SCN9A: variants seen among roughly 807,000 people sequenced by gnomAD.
SCN9A encodes sodium channel protein type 9 subunit alpha.
A neutral mutation model predicts 187.0 loss-of-function variants in SCN9A; 131 were observed. The observed-to-expected ratio is 0.70, with a 90% CI of 0.61 to 0.81. The LOEUF (loss-of-function observed/expected upper bound fraction) is 0.81, where lower values mean the gene tolerates loss of function less well. Among genes scored for constraint, SCN9A ranks in the 30% least tolerant of loss-of-function variants. SCN9A has a pLI of 0.00. For synonymous variants in SCN9A, 809 were observed against 808.6 expected (o/e 1.00, Z -0.01); for missense variants, 2,252 against 2,396.6 (o/e 0.94, Z 1.26).
At chr2:166,360,858 C>A (rs1007923914) in intron 1 of SCN9A, among the ~76,000 whole-genome samples, 2 of 152,076 alleles carry the variant, frequency 1.3e-5, no homozygotes, top group African/African-American at 4.8e-5. Flanking sequence ...AAACACAAAA[C>A]CTTACGAAAA....
At chr2:166,279,554 T>C (rs1697384157) in intron 14 of SCN9A, among the ~76,000 whole-genome samples, 1 of 152,158 alleles carries the variant, frequency 6.6e-6, no homozygotes, top group Non-Finnish European at 1.5e-5. Context: ...TTGGATCTTA[T>C]ATCTTCCAGA....
In SCN9A at chr2:166,348,954, C is replaced by T. The variant is rs145478117; in HGVS notation, c.-51+26743G>A. Among the ~76,000 whole-genome samples the T allele has an allele frequency of 4.5e-3, 688 of 152,092 alleles. 7 individuals are homozygous for T. The highest frequency in any genetic ancestry group is 0.016 in the African/African-American group (656 of 41,466). ...CAGCCTGACCAACATGGAGAAACTC[C>T]ATCTCTACTAAAAAAAATACAAAAT... On this transcript the variant is annotated intron_variant, in intron 1 of 26. Transcript: ENST00000642356.
At chr2:166,322,441 G>A (rs1163737636) in intron 1 of SCN9A, among the ~76,000 whole-genome samples, 1 of 152,120 alleles carries the variant, frequency 6.6e-6, no homozygotes, top group Non-Finnish European at 1.5e-5. Flanking sequence ...CTGTGGAGAT[G>A]ACATAACCTC....
intron 1 of SCN9A, among the ~76,000 whole-genome samples, chr2:166,327,278 A>G (rs1388055775): frequency 6.6e-6 from 1 of 151,944 alleles, no homozygotes; most frequent in African/African-American, 2.4e-5. Context: ...CCACCTTCCC[A>G]AGTAGCTGGG....
chr2:166,240,369 T>C (rs1695512942), intron 19 of SCN9A, among the ~76,000 whole-genome samples: 1 of 152,212 alleles, frequency 6.6e-6, no homozygotes, highest in African/African-American at 2.4e-5. Flanking sequence ...TCTAGTTTAA[T>C]TGGCAACCTG....
At chr2:166,322,649 A>G (rs1438276010) in intron 1 of SCN9A, among the ~76,000 whole-genome samples, 1 of 152,138 alleles carries the variant, frequency 6.6e-6, no homozygotes, top group Non-Finnish European at 1.5e-5. Flanking sequence ...GGATAATTTT[A>G]TCATGCTTCC....
rs200829562 is a variant in SCN9A, at chr2:166,197,772, A to G, written c.*900T>C. On this transcript the variant is annotated 3_prime_UTR_variant, in exon 27 of 27. Coordinates refer to ENST00000642356, the MANE Select transcript of SCN9A (RefSeq NM_001365536.1). Reference sequence around the variant, plus strand: ...CAGGAAAATTTGACAAAAGAGTTTAAGAGACTATTATCAGTATTTTGGGCA... The same window carrying G: ...CAGGAAAATTTGACAAAAGAGTTTAGGAGACTATTATCAGTATTTTGGGCA... The G allele has an allele frequency of 1.3e-5, 2 of 152,226 alleles. No homozygotes were observed. The highest frequency in any genetic ancestry group is 3.8e-4 in the East Asian group (2 of 5,200). 9.4% of individuals were successfully genotyped at this position (152,226 alleles called of 1,614,324 possible). A position where few individuals can be genotyped will look rare whatever the true frequency, so the allele number is the denominator to read the frequency against.
chr2:166,287,640 C>A (rs953319109), intron 10 of SCN9A, among the ~76,000 whole-genome samples: 4 of 152,032 alleles, frequency 2.6e-5, no homozygotes, highest in Non-Finnish European at 5.9e-5. Context: ...AAGGCAACTG[C>A]AGTACATTTG....
chr2:166,370,267 A>G lies in SCN9A; in HGVS notation c.-51+5430T>C, dbSNP rs1025781997. Among the ~76,000 whole-genome samples, 13 of 141,632 alleles carry G rather than the reference A, an allele frequency of 9.2e-5. 1 individual carries two copies. Among genetic ancestry groups the G allele is most frequent in the East Asian group, 3.9e-4 (2 of 5,078 alleles). 92.9% of individuals were successfully genotyped at this position (141,632 alleles called of 152,430 possible). On this transcript the variant is annotated intron_variant, in intron 1 of 26. Coordinates refer to ENST00000642356, the MANE Select transcript of SCN9A (RefSeq NM_001365536.1). ...ATCATCATCATTAGATAATGGGCTG[A>G]GCGCGGTGGCTCATGCTTGTAATCC...
At chr2:166,248,877 C>T (rs1298038500) in intron 18 of SCN9A, among the ~76,000 whole-genome samples, 1 of 151,932 alleles carries the variant, frequency 6.6e-6, no homozygotes, top group Non-Finnish European at 1.5e-5. Context: ...GCTACGTTGG[C>T]CAGGCTGGTC....
At position 166,202,175 on chromosome 2, in the gene SCN9A, T is replaced by G. The variant is rs537262342; in HGVS notation, c.4774+1780A>C. ...ATTTTTTCCCCAAAGAATATTTTGT[T>G]TTTTTGTGCAGTCATTTCTTCTTCA... On this transcript the variant is annotated intron_variant, in intron 26 of 26. Transcript: ENST00000642356. Among the ~76,000 whole-genome samples the G allele has an allele frequency of 7.9e-5, 12 of 151,806 alleles. No homozygotes were observed. In the South Asian group the frequency reaches 1.2e-3, roughly 16 times the overall value.
chr2:166,332,213 C>T (rs1363244888), intron 1 of SCN9A, among the ~76,000 whole-genome samples: 1 of 152,126 alleles, frequency 6.6e-6, no homozygotes, highest in East Asian at 1.9e-4. Flanking sequence ...TGTGTGGCAG[C>T]AGTGACCAGT....
chr2:166,347,089 T>G (rs1699918063), intron 1 of SCN9A, among the ~76,000 whole-genome samples: 1 of 152,202 alleles, frequency 6.6e-6, no homozygotes, highest in Admixed American at 6.5e-5. Flanking sequence ...TTTTTAGTTA[T>G]TACAGTGATG....
chr2:166,270,352 G>A lies in SCN9A; in HGVS notation c.3351+2047C>T, dbSNP rs1696920072. On this transcript the variant is annotated intron_variant, in intron 17 of 26. Coordinates refer to ENST00000642356, the MANE Select transcript of SCN9A (RefSeq NM_001365536.1). ...TGTACATATGAGAGGATGTGTGTAG[G>A]TTTTATGGTAAACATTGTGCCATTT... 3.3e-5 allele frequency among the ~76,000 whole-genome samples: 5 copies of A among 151,814 alleles called. No homozygotes were observed. In the South Asian group the frequency reaches 1.0e-3, roughly 32 times the overall value.
intron 20 of SCN9A, among the ~76,000 whole-genome samples, chr2:166,237,892 G>T (rs1695391585): frequency 6.6e-6 from 1 of 152,114 alleles, no homozygotes; most frequent in Non-Finnish European, 1.5e-5. Context: ...ATTTACATTT[G>T]TTGAACGATT....
At chr2:166,317,669 G>A (rs530783315) in intron 1 of SCN9A, among the ~76,000 whole-genome samples, 7 of 152,102 alleles carry the variant, frequency 4.6e-5, no homozygotes, top group Non-Finnish European at 7.4e-5. Flanking sequence ...ATCATATCAT[G>A]TATTTGTCTA....
At chr2:166,237,675 T>G (rs1695378992) in intron 20 of SCN9A, among the ~76,000 whole-genome samples, 1 of 152,174 alleles carries the variant, frequency 6.6e-6, no homozygotes, top group Non-Finnish European at 1.5e-5. Context: ...GTGCCCCTCA[T>G]CCTCTCTTAT....
chr2:166,239,196 C>A (rs1279560020), intron 19 of SCN9A, among the ~76,000 whole-genome samples: 1 of 140,554 alleles, frequency 7.1e-6, no homozygotes, highest in Non-Finnish European at 1.5e-5. Flanking sequence ...GCACTCCAGC[C>A]TGGGCAACAG....
intron 24 of SCN9A, among the ~76,000 whole-genome samples, chr2:166,222,972 A>AC (rs1694684729): frequency 4.5e-5 from 6 of 133,440 alleles, no homozygotes; most frequent in South Asian, 2.4e-4. Context: ...AAAAAAAAAA[A>AC]CAGCAACAAA....
Sources: gnomAD v4.1 joint callset for allele counts (sites outside exome capture counted in the v4.1 genomes callset) on GRCh38, gnomAD v4.1.1 for gene constraint, MANE v1.5 for transcripts, NCBI Gene and HGNC (gene_info 2026-07-23, HGNC 2026-07-21) for gene names.